The following GMEB2 variants were observed in gnomAD, a reference collection of about 807,000 sequenced individuals.
GMEB2 encodes the protein glucocorticoid modulatory element-binding protein 2.
In GMEB2, 7 loss-of-function variants were observed where a neutral mutation model predicts 45.7. That is an observed-to-expected ratio of 0.15 (90% confidence interval 0.09 to 0.29). The LOEUF (loss-of-function observed/expected upper bound fraction) is 0.29, where lower values mean the gene tolerates loss of function less well. Among genes scored for constraint, GMEB2 ranks in the 10% least tolerant of loss-of-function variants. The pLI is 1.00. For missense variants in GMEB2, 582 were observed against 739.2 expected (o/e 0.79, Z 2.47); for synonymous variants, 322 against 323.6 (o/e 1.00, Z 0.05).
chr20:63,614,765 C>T (rs1013033162), intron 2 of GMEB2, among the ~76,000 whole-genome samples: 10 of 152,266 alleles, frequency 6.6e-5, no homozygotes, highest in Admixed American at 1.3e-4. Flanking sequence ...GAAATAATGG[C>T]GTAAGCGGTC....
intron 2 of GMEB2, among the ~76,000 whole-genome samples, chr20:63,605,625 G>A (rs927471130): frequency 6.6e-6 from 1 of 152,036 alleles, no homozygotes; most frequent in African/African-American, 2.4e-5. Flanking sequence ...TTTGGTTCAT[G>A]GTGGCGAGCA....
intron 9 of GMEB2, among the ~76,000 whole-genome samples, chr20:63,591,812 G>A (rs1053450742): frequency 1.3e-5 from 2 of 152,208 alleles, no homozygotes; most frequent in Admixed American, 6.5e-5. Flanking sequence ...CAGAAATGCC[G>A]GTAAATGTAA....
intron 5 of GMEB2, among the ~76,000 whole-genome samples, chr20:63,596,503 C>A: frequency 6.6e-6 from 1 of 152,246 alleles, no homozygotes; most frequent in South Asian, 2.1e-4. Flanking sequence ...TCAGGACTTG[C>A]CTACCTGGCC....
In GMEB2 at chr20:63,592,950, G is replaced by A; in HGVS notation, c.691+61C>T. The A allele has an allele frequency of 1.8e-6, 2 of 1,134,716 alleles. No homozygotes were observed. The highest frequency in any genetic ancestry group is 1.3e-6 in the Non-Finnish European group (1 of 761,520). The allele number at this position is 1,134,716 out of a possible 1,614,324, so 70.3% of individuals were successfully genotyped here. On this transcript the variant is annotated intron_variant, in intron 7 of 9. Coordinates refer to ENST00000370077, the MANE Select transcript of GMEB2 (RefSeq NM_012384.5). The surrounding 1 kb of genome is among the most constrained non-coding windows in gnomAD (Gnocchi z 8.2). ...CTGGAGCCCCTGTGTGGCCCGAGGT[G>A]GGCAGAGACTCCACCACCCCGCCAG...
At chr20:63,609,008 CT>C (rs2089544704) in intron 2 of GMEB2, among the ~76,000 whole-genome samples, 1 of 27,206 alleles carries the variant, frequency 3.7e-5, no homozygotes, top group Non-Finnish European at 1.7e-4. Context: ...TGACCCACAC[CT>C]CCATTTCTAG....
At position 63,593,819 on chromosome 20, in the gene GMEB2, C is replaced by T. The variant is rs1002135788; in HGVS notation, c.620-737G>A. Among the ~76,000 whole-genome samples the T allele has an allele frequency of 3.9e-5, 6 of 152,158 alleles. No individual in the cohort carries two copies. The highest frequency in any genetic ancestry group is 7.2e-5 in the African/African-American group (3 of 41,422). On this transcript the variant is annotated intron_variant, in intron 6 of 9. Transcript: ENST00000370077. This position sits in a 1 kb window ranked among gnomAD's most constrained non-coding sequence, Gnocchi z 4.7. ...GGTGGATCACCTAAGGTCAGGAGTT[C>T]GAGAACAGCCTGGGCAACACGGCAA...
chr20:63,623,295 C>T (rs911535544), intron 1 of GMEB2, among the ~76,000 whole-genome samples: 1 of 152,170 alleles, frequency 6.6e-6, no homozygotes, highest in African/African-American at 2.4e-5. Flanking sequence ...AGGTGAACCC[C>T]TCCAGCTGCT....
chr20:63,601,003 C>T (rs1014604129), intron 4 of GMEB2, among the ~76,000 whole-genome samples: 2 of 152,188 alleles, frequency 1.3e-5, no homozygotes, highest in Admixed American at 6.5e-5. Flanking sequence ...ACCACAGCTA[C>T]GACTTACGTC....
intron 2 of GMEB2, among the ~76,000 whole-genome samples, chr20:63,613,054 C>T (rs926758040): frequency 3.9e-5 from 6 of 152,024 alleles, no homozygotes; most frequent in Non-Finnish European, 7.4e-5. Flanking sequence ...CTCTGCCCCC[C>T]GGATTCACGC....
rs1469055619 is a variant in GMEB2 at position 63,595,498 on chromosome 20, G to A, written c.619+112C>T. ...CAGGGTCCCAGGCAGGAGACCGGCA[G>A]TCCTGGCGTGAGCAAACGCCTGGGG... On this transcript the variant is annotated intron_variant, in intron 6 of 9. Coordinates refer to ENST00000370077, the MANE Select transcript of GMEB2 (RefSeq NM_012384.5). 3.5e-5 allele frequency: 33 copies of A among 944,202 alleles called. No individual in the cohort carries two copies. In the South Asian group the frequency reaches 4.5e-4, roughly 13 times the overall value. The allele number at this position is 944,202 out of a possible 1,614,324, so 58.5% of individuals were successfully genotyped here.
intron 4 of GMEB2, among the ~76,000 whole-genome samples, chr20:63,599,733 C>A (rs879102640): frequency 6.6e-6 from 1 of 152,172 alleles, no homozygotes; most frequent in African/African-American, 2.4e-5. Context: ...AATTCTAATA[C>A]AATTTCAAAC....
intron 1 of GMEB2, among the ~76,000 whole-genome samples, chr20:63,621,320 G>A (rs781405926): frequency 4.6e-5 from 7 of 152,158 alleles, no homozygotes; most frequent in South Asian, 2.1e-4. Context: ...GGAAATGGAC[G>A]GCGGTGATGG....
chr20:63,603,889 A>G (rs1265602612), intron 3 of GMEB2, among the ~76,000 whole-genome samples: 2 of 151,694 alleles, frequency 1.3e-5, no homozygotes, highest in Admixed American at 1.3e-4. Flanking sequence ...CCCCATCTCT[A>G]CTAAAAATAC....
At position 63,619,343 on chromosome 20, in the gene GMEB2, G is replaced by C. The variant is rs1449097987; in HGVS notation, c.55C>G (p.Pro19Ala). 1.2e-6 allele frequency: 2 copies of C among 1,612,876 alleles called. No homozygotes were observed. Among genetic ancestry groups the C allele is most frequent in the Non-Finnish European group, 1.7e-6 (2 of 1,179,906 alleles). The stretch of plus-strand genomic sequence containing the variant: ...CCACTGCCGTCCACTGCAGTGTCCG[G>C]AGTTGTCACAACCACCACCTCCTCC... ...HMEEVVVVTTPDTAVDGSGVE... is the reference protein window; with the variant it reads ...HMEEVVVVTTADTAVDGSGVE... The change falls in exon 2 of 10, where the codon CCG (proline) becomes GCG (alanine). Residue 19 changes from proline (P) to alanine (A), a missense_variant. Transcript: ENST00000370077. The surrounding 1 kb of genome is among the most constrained non-coding windows in gnomAD (Gnocchi z 4.6).
chr20:63,588,907 G>A lies in GMEB2; in HGVS notation c.*1182C>T, dbSNP rs1223754487. On this transcript the variant is annotated 3_prime_UTR_variant, in exon 10 of 10. Transcript: ENST00000370077. The stretch of plus-strand genomic sequence containing the variant: ...TTGTGAGTCCAAGGCCAGGTCTCAG[G>A]ACAGCCACAGACAGCCCTTCCAGAC... The A allele has an allele frequency of 2.5e-6, 1 of 398,750 alleles. No homozygotes were observed. Among genetic ancestry groups the A allele is most frequent in the Non-Finnish European group, 4.4e-6 (1 of 226,130 alleles). 24.7% of individuals were successfully genotyped at this position (398,750 alleles called of 1,614,324 possible). A position where few individuals can be genotyped will look rare whatever the true frequency, so the allele number is the denominator to read the frequency against.
chr20:63,592,401 G>T lies in GMEB2; in HGVS notation c.829+132C>A. 1 of 693,354 alleles carries T rather than the reference G, an allele frequency of 1.4e-6. No homozygotes were observed. The highest frequency in any genetic ancestry group is 2.8e-5 in the Admixed American group (1 of 35,144). 43.0% of individuals were successfully genotyped at this position (693,354 alleles called of 1,614,324 possible). On this transcript the variant is annotated intron_variant, in intron 8 of 9. Coordinates refer to ENST00000370077, the MANE Select transcript of GMEB2 (RefSeq NM_012384.5). This position sits in a 1 kb window ranked among gnomAD's most constrained non-coding sequence, Gnocchi z 8.2. ...ACCAAGTTCAGCCTCAGCACAGCAG[G>T]AGTCCCAAGCCTAGATTCAGCCTCC...
chr20:63,615,303 A>C (rs1419635738), intron 2 of GMEB2, among the ~76,000 whole-genome samples: 1 of 152,102 alleles, frequency 6.6e-6, no homozygotes, highest in Non-Finnish European at 1.5e-5. Flanking sequence ...AGTAAAAGCC[A>C]CTTTGCGGGG....
chr20:63,617,477 C>T (rs562592494), intron 2 of GMEB2, among the ~76,000 whole-genome samples: 9 of 152,216 alleles, frequency 5.9e-5, no homozygotes, highest in African/African-American at 9.6e-5. Context: ...ACGCGGTCTA[C>T]GGCAGCCCGA....
At position 63,597,926 on chromosome 20, in the gene GMEB2, C is replaced by T. The variant is rs561848811; in HGVS notation, c.358-66G>A. 6.5e-6 allele frequency: 6 copies of T among 918,318 alleles called. No homozygotes were observed. In the African/African-American group the frequency reaches 9.7e-5, roughly 15 times the overall value. 56.9% of individuals were successfully genotyped at this position (918,318 alleles called of 1,614,324 possible). ...CACCACATAGGGTGCCCCCATCTCC[C>T]ATCCGACCCTGAGTCAGGCGCGCAA... On this transcript the variant is annotated intron_variant, in intron 4 of 9. Transcript: ENST00000370077.
Sources: allele counts gnomAD v4.1 joint callset (sites outside exome capture counted in the v4.1 genomes callset), GRCh38; gene constraint gnomAD v4.1.1; non-coding constraint Gnocchi (gnomAD v3.1); transcripts MANE v1.5; gene names NCBI Gene and HGNC (gene_info 2026-07-23, HGNC 2026-07-21).